EDIL3: variants seen among roughly 807,000 people sequenced by gnomAD.
EDIL3 encodes EGF-like repeat and discoidin I-like domain-containing protein 3.
A neutral mutation model predicts 67.4 loss-of-function variants in EDIL3; 37 were observed. The ratio of observed to expected loss-of-function variants is 0.55; its 90% CI spans 0.42 to 0.72. The LOEUF is 0.72. EDIL3 is among the 30% of genes least tolerant of loss of function. The probability of loss-of-function intolerance (pLI) is 0.00; values close to 1 mark genes in which losing one functional copy is unlikely to be tolerated. For missense variants in EDIL3, 527 were observed against 586.3 expected, an observed-to-expected ratio of 0.90 and a Z score of 1.04; for synonymous variants, 195 against 196.3, an observed-to-expected ratio of 0.99 and a Z score of 0.05.
intron 5 of EDIL3, among the ~76,000 whole-genome samples, chr5:84,112,230 A>G (rs987689213): frequency 7.2e-5 from 11 of 152,194 alleles, no homozygotes; most frequent in African/African-American, 2.7e-4. Flanking sequence ...TAAAGAGTAG[A>G]TTTAAGACGG....
At chr5:84,005,144 C>G (rs528233591) in intron 9 of EDIL3, among the ~76,000 whole-genome samples, 16 of 152,072 alleles carry the variant, frequency 1.1e-4, no homozygotes, top group African/African-American at 3.9e-4. Context: ...GAAATTGAAA[C>G]CCTGAACAGA....
chr5:84,229,478 GT>G (rs1255600315), intron 3 of EDIL3, among the ~76,000 whole-genome samples: 2 of 152,182 alleles, frequency 1.3e-5, no homozygotes, highest in Admixed American at 6.5e-5. Flanking sequence ...ATTTCTGAAA[GT>G]TTATTTTACC....
intron 2 of EDIL3, among the ~76,000 whole-genome samples, chr5:84,241,169 C>G (rs1021574209): frequency 6.6e-6 from 1 of 152,148 alleles, no homozygotes; most frequent in Non-Finnish European, 1.5e-5. Context: ...CTTACCCTTT[C>G]TCAAATGTAA....
At chr5:84,208,645 G>A (rs1340697736) in intron 3 of EDIL3, among the ~76,000 whole-genome samples, 220 of 130,206 alleles carry the variant, frequency 1.7e-3, no homozygotes, top group African/African-American at 5.9e-3. Context: ...CGCCACTGCA[G>A]TCCGCAGTCC....
intron 9 of EDIL3, among the ~76,000 whole-genome samples, chr5:84,021,716 T>C (rs774224488): frequency 1.1e-4 from 17 of 151,994 alleles, no homozygotes; most frequent in African/African-American, 4.1e-4. Flanking sequence ...TTAGGTCCAT[T>C]TGGCCTAAGT....
At chr5:84,192,083 G>T (rs777297925) in intron 3 of EDIL3, among the ~76,000 whole-genome samples, 2 of 151,860 alleles carry the variant, frequency 1.3e-5, no homozygotes, top group Non-Finnish European at 2.9e-5. Flanking sequence ...TTTTTAAAAA[G>T]ATTAATTGAA....
At chr5:84,093,981 C>T (rs1747215548) in intron 6 of EDIL3, among the ~76,000 whole-genome samples, 1 of 152,072 alleles carries the variant, frequency 6.6e-6, no homozygotes, top group African/African-American at 2.4e-5. Flanking sequence ...TTTAAAAATA[C>T]AGAGCAACTG....
chr5:84,229,942 G>T (rs929786026), intron 2 of EDIL3, 58 bp from the exon 3 acceptor site: 4 of 1,417,328 alleles, frequency 2.8e-6, no homozygotes, highest in Admixed American at 2.1e-5. Flanking sequence ...GAGGGAGAAG[G>T]GGGGAGAGAG....
At chr5:84,053,771 C>A (rs990939063) in intron 9 of EDIL3, among the ~76,000 whole-genome samples, 1 of 152,168 alleles carries the variant, frequency 6.6e-6, no homozygotes. Context: ...GAAGTTGAAT[C>A]TCTGAATAGA....
At chr5:84,111,686 A>G (rs918855630) in intron 5 of EDIL3, among the ~76,000 whole-genome samples, 36 of 152,182 alleles carry the variant, frequency 2.4e-4, no homozygotes, top group African/African-American at 8.2e-4. Flanking sequence ...AGAAGGGTGA[A>G]TCAAGTGTGG....
chr5:84,064,470 C>G (rs528609027), intron 8 of EDIL3, among the ~76,000 whole-genome samples: 24 of 152,124 alleles, frequency 1.6e-4, no homozygotes, highest in Non-Finnish European at 3.2e-4. Flanking sequence ...TTTGACCACT[C>G]AACAAAACAC....
At chr5:84,146,372 A>G (rs1580348627) in intron 4 of EDIL3, among the ~76,000 whole-genome samples, 1 of 152,082 alleles carries the variant, frequency 6.6e-6, no homozygotes, top group South Asian at 2.1e-4. Context: ...CTAATCACCC[A>G]TATGTTTCAC....
intron 9 of EDIL3, among the ~76,000 whole-genome samples, chr5:83,987,142 G>A (rs1745069809): frequency 6.6e-6 from 1 of 152,040 alleles, no homozygotes; most frequent in Non-Finnish European, 1.5e-5. Context: ...ACTTTCCCAG[G>A]CCTTCCCTCT....
chr5:84,035,299 AT>A (rs1746002616), intron 9 of EDIL3, among the ~76,000 whole-genome samples: 1 of 152,124 alleles, frequency 6.6e-6, no homozygotes, highest in Admixed American at 6.6e-5. Context: ...CAGTTTTCTC[AT>A]GGTAGGATCA....
chr5:84,095,931 G>A (rs775446164), intron 6 of EDIL3, among the ~76,000 whole-genome samples: 2 of 152,210 alleles, frequency 1.3e-5, no homozygotes, highest in Non-Finnish European at 2.9e-5. Context: ...GGTCCCCGGT[G>A]CTGTGTGCAG....
intron 9 of EDIL3, among the ~76,000 whole-genome samples, chr5:83,964,319 T>C (rs1744655155): frequency 6.6e-6 from 1 of 151,972 alleles, no homozygotes; most frequent in Non-Finnish European, 1.5e-5. Flanking sequence ...TTTATGTTTA[T>C]GTTCCTTGAT....
intron 3 of EDIL3, among the ~76,000 whole-genome samples, chr5:84,183,390 G>A (rs1448692946): frequency 6.6e-6 from 1 of 151,956 alleles, no homozygotes; most frequent in Non-Finnish European, 1.5e-5. Flanking sequence ...CTTCAAATGA[G>A]AGTAAAAATG....
At chr5:84,262,472 AT>A (rs1745242603) in intron 1 of EDIL3, among the ~76,000 whole-genome samples, 1 of 152,064 alleles carries the variant, frequency 6.6e-6, no homozygotes, top group Non-Finnish European at 1.5e-5. Context: ...GAAAAAAATC[AT>A]TTGCAGGAAG....
chr5:83,980,930 C>T (rs1430898403), intron 9 of EDIL3, among the ~76,000 whole-genome samples: 1 of 151,668 alleles, frequency 6.6e-6, no homozygotes, highest in Non-Finnish European at 1.5e-5. Flanking sequence ...AGGATAAATT[C>T]AACAAAGGAA....
Sources: allele counts gnomAD v4.1 joint callset (sites outside exome capture counted in the v4.1 genomes callset), GRCh38; gene constraint gnomAD v4.1.1; transcripts MANE v1.5; gene names NCBI Gene and HGNC (gene_info 2026-07-23, HGNC 2026-07-21).